ZNF804B: variants seen among roughly 807,000 people sequenced by gnomAD.
ZNF804B encodes the protein zinc finger protein 804B.
Under a neutral mutation model 101.4 loss-of-function variants are expected in ZNF804B, and 80 were observed. The ratio of observed to expected loss-of-function variants is 0.79; its 90% CI spans 0.66 to 0.95. The LOEUF is 0.95. Among genes scored for constraint, ZNF804B ranks in the 40% least tolerant of loss-of-function variants. The pLI, the probability that ZNF804B is intolerant of heterozygous loss-of-function variation, is 0.00. For missense variants in ZNF804B, 1,673 were observed against 1,561.9 expected (o/e 1.07, Z -1.20); for synonymous variants, 622 against 558.8 (o/e 1.11, Z -1.59).
intron 1 of ZNF804B, among the ~76,000 whole-genome samples, chr7:88,777,755 C>T (rs183920481): frequency 4.8e-5 from 7 of 146,858 alleles, no homozygotes; most frequent in Non-Finnish European, 7.4e-5. Context: ...GGCTGAGGGA[C>T]GAGAATAATT....
At chr7:88,794,582 C>T in intron 1 of ZNF804B, 1 of 1,613,608 alleles carries the variant, frequency 6.2e-7, no homozygotes, top group Non-Finnish European at 8.5e-7. Flanking sequence ...AATACTGTTT[C>T]ATCTTTGACA....
intron 1 of ZNF804B, among the ~76,000 whole-genome samples, chr7:88,800,519 A>G (rs942179812): frequency 3.9e-5 from 6 of 152,274 alleles, no homozygotes; most frequent in African/African-American, 1.4e-4. Flanking sequence ...GAAAAATTTA[A>G]TTCTGTTAGT....
intron 1 of ZNF804B, among the ~76,000 whole-genome samples, chr7:88,777,906 G>T (rs1295455262): frequency 6.7e-6 from 1 of 149,994 alleles, no homozygotes; most frequent in Non-Finnish European, 1.5e-5. Context: ...ACTAATGAAG[G>T]AAATTATTTT....
At chr7:89,008,443 T>C (rs1282299832) in intron 1 of ZNF804B, among the ~76,000 whole-genome samples, 1 of 152,148 alleles carries the variant, frequency 6.6e-6, no homozygotes, top group African/African-American at 2.4e-5. Flanking sequence ...TGCTACTAAG[T>C]CTCAGATCAA....
chr7:89,170,883 A>G (rs1371849983), intron 1 of ZNF804B, among the ~76,000 whole-genome samples: 4 of 152,168 alleles, frequency 2.6e-5, no homozygotes, highest in Admixed American at 6.6e-5. Flanking sequence ...CTCTGCTTCA[A>G]CAATACTTTG....
At chr7:89,231,191 A>G (rs1789186306) in intron 2 of ZNF804B, among the ~76,000 whole-genome samples, 1 of 152,096 alleles carries the variant, frequency 6.6e-6, no homozygotes, top group South Asian at 2.1e-4. Flanking sequence ...TTCCAACATA[A>G]CTTGAGGAAA....
chr7:89,327,472 A>G lies in ZNF804B; in HGVS notation c.378A>G (p.Glu126=). Residue 126 remains glutamate, a splice_region_variant and synonymous_variant, in exon 3 of 4, where the codon GAA becomes GAG. Coordinates refer to ENST00000333190, the MANE Select transcript of ZNF804B (RefSeq NM_181646.5). ...TGGCTGAGTTAAGGCAGCAATCTGA[A>G]TGGTAAGAATTAAAGGTGTCTGGGA... ...HQLAELRQQS[E]CVSGNGPAYK... 1 of 1,609,348 alleles carries G rather than the reference A, an allele frequency of 6.2e-7. No homozygotes were observed. The highest frequency in any genetic ancestry group is 1.1e-5 in the South Asian group (1 of 90,228).
At chr7:88,851,811 A>G (rs1447001707) in intron 1 of ZNF804B, among the ~76,000 whole-genome samples, 1 of 152,134 alleles carries the variant, frequency 6.6e-6, no homozygotes, top group Admixed American at 6.6e-5. Flanking sequence ...AATTTATAAC[A>G]TATGCAGAAT....
intron 1 of ZNF804B, among the ~76,000 whole-genome samples, chr7:89,035,887 A>G (rs1178246554): frequency 6.9e-6 from 1 of 145,742 alleles, no homozygotes; most frequent in Non-Finnish European, 1.5e-5. Context: ...ATATTCATAT[A>G]CATTATATTA....
intron 2 of ZNF804B, among the ~76,000 whole-genome samples, chr7:89,287,234 A>T (rs1015792158): frequency 1.3e-5 from 2 of 152,064 alleles, no homozygotes; most frequent in African/African-American, 4.8e-5. Flanking sequence ...GTTTTTGGGG[A>T]ATCAGAAGTT....
At chr7:88,919,601 T>C (rs1792689620) in intron 1 of ZNF804B, among the ~76,000 whole-genome samples, 1 of 152,156 alleles carries the variant, frequency 6.6e-6, no homozygotes, top group African/African-American at 2.4e-5. Flanking sequence ...CTAACAAGTA[T>C]ATTTTCATTT....
chr7:89,225,099 G>C, intron 2 of ZNF804B, among the ~76,000 whole-genome samples: 1 of 152,004 alleles, frequency 6.6e-6, no homozygotes. Context: ...TCTCAGCTTA[G>C]ATGTCACCTC....
At chr7:89,033,041 G>GAA (rs200755366) in intron 1 of ZNF804B, among the ~76,000 whole-genome samples, 19 of 143,508 alleles carry the variant, frequency 1.3e-4, no homozygotes, top group South Asian at 2.2e-4. Flanking sequence ...TATTTAAAAG[G>GAA]AAAAAAAAAA....
At chr7:89,233,584 C>T (rs1163369010) in intron 2 of ZNF804B, among the ~76,000 whole-genome samples, 1 of 151,766 alleles carries the variant, frequency 6.6e-6, no homozygotes, top group African/African-American at 2.4e-5. Context: ...TGGGGGTGGG[C>T]TTCAGTTTGA....
At chr7:89,088,378 AG>A (rs1789837545) in intron 1 of ZNF804B, among the ~76,000 whole-genome samples, 1 of 152,038 alleles carries the variant, frequency 6.6e-6, no homozygotes, top group Non-Finnish European at 1.5e-5. Context: ...ACCCTTAAAA[AG>A]TCTAGAATAT....
chr7:88,889,682 T>G (rs183224995), intron 1 of ZNF804B, among the ~76,000 whole-genome samples: 1 of 98,878 alleles, frequency 1.0e-5, no homozygotes, highest in East Asian at 3.3e-4. Flanking sequence ...ATTAGACATA[T>G]GCCACTTGCA....
At chr7:89,098,828 T>C (rs1344943334) in intron 1 of ZNF804B, among the ~76,000 whole-genome samples, 1 of 151,712 alleles carries the variant, frequency 6.6e-6, no homozygotes, top group Non-Finnish European at 1.5e-5. Context: ...AATAAATAAG[T>C]TAATATGCAT....
Position 89,334,506 on chromosome 7 carries a change from G to A in ZNF804B, c.1524G>A (p.Leu508=), listed in dbSNP as rs909839377. The A allele has an allele frequency of 6.2e-7, 1 of 1,613,586 alleles. No individual in the cohort carries two copies. Among genetic ancestry groups the A allele is most frequent in the East Asian group, 2.2e-5 (1 of 44,862 alleles). Residue 508 remains leucine (L), a synonymous_variant, in exon 4 of 4, where the codon TTG becomes TTA. Coordinates refer to ENST00000333190, the MANE Select transcript of ZNF804B (RefSeq NM_181646.5). ...KTELGKKPLE[L]KTKRESQVSG... ...AATTGGGTAAGAAGCCCTTGGAATTGAAGACTAAAAGAGAGAGCCAAGTCT... is the reference window on the plus strand; with the variant it reads ...AATTGGGTAAGAAGCCCTTGGAATTAAAGACTAAAAGAGAGAGCCAAGTCT...
At chr7:88,969,186 T>C (rs1335935995) in intron 1 of ZNF804B, among the ~76,000 whole-genome samples, 1 of 151,630 alleles carries the variant, frequency 6.6e-6, no homozygotes. Context: ...TAATTTTCCA[T>C]GAAGACTCTA....
Sources: allele counts gnomAD v4.1 joint callset (sites outside exome capture counted in the v4.1 genomes callset), GRCh38; gene constraint gnomAD v4.1.1; transcripts MANE v1.5; gene names NCBI Gene and HGNC (gene_info 2026-07-23, HGNC 2026-07-21).